Variants in PCDHA1 observed in about 807,000 individuals in gnomAD.
PCDHA1 encodes protocadherin alpha-1.
A neutral mutation model predicts 61.3 loss-of-function variants in PCDHA1; 42 were observed. The ratio of observed to expected loss-of-function variants is 0.69; its 90% CI spans 0.54 to 0.89. The LOEUF (loss-of-function observed/expected upper bound fraction) is 0.89, where lower values mean the gene tolerates loss of function less well. Among genes scored for constraint, PCDHA1 ranks in the 40% least tolerant of loss-of-function variants. The probability of loss-of-function intolerance (pLI) is 0.00; values close to 1 mark genes in which losing one functional copy is unlikely to be tolerated. For missense variants in PCDHA1, 1,256 were observed against 1,235.3 expected, an observed-to-expected ratio of 1.02 and a Z score of -0.25; for synonymous variants, 610 against 553.8, an observed-to-expected ratio of 1.10 and a Z score of -1.43.
chr5:140,883,835 T>C (rs782244088), intron 1 of PCDHA1: 10 of 1,612,448 alleles, frequency 6.2e-6, no homozygotes, highest in East Asian at 4.5e-5. Flanking sequence ...GCTGCAGCCG[T>C]TGGACCACGA....
chr5:140,880,090 G>A (rs977793027), intron 1 of PCDHA1, among the ~76,000 whole-genome samples: 3 of 152,136 alleles, frequency 2.0e-5, no homozygotes, highest in Admixed American at 2.0e-4. Context: ...ATTATAGTAG[G>A]CTTAAAATCA....
chr5:140,797,311 G>A (rs1554120396), intron 1 of PCDHA1: 5 of 1,614,198 alleles, frequency 3.1e-6, no homozygotes, highest in Non-Finnish European at 4.2e-6. Context: ...TCCAGACTCC[G>A]CAGAAGAGAA....
At chr5:140,802,467 G>T in intron 1 of PCDHA1, 1 of 1,614,224 alleles carries the variant, frequency 6.2e-7, no homozygotes, top group Non-Finnish European at 8.5e-7. Flanking sequence ...CTATGAGCTG[G>T]TGGTGACTGC....
Position 140,877,064 on chromosome 5 carries a change from T to C in PCDHA1, c.2394+88380T>C, listed in dbSNP as rs2056824961. On this transcript the variant is annotated intron_variant, in intron 1 of 3. Coordinates refer to ENST00000504120, the MANE Select transcript of PCDHA1 (RefSeq NM_018900.4). ...CTAGACCACGAGGAGCTGGAGCTGC[T>C]GCAGTTCCAGGTGAGCGCGCGCGAC... is the stretch of plus-strand genomic sequence containing the variant. The C allele has an allele frequency of 6.2e-7, 1 of 1,612,896 alleles. No homozygotes were observed. Among genetic ancestry groups the C allele is most frequent in the Non-Finnish European group, 8.5e-7 (1 of 1,179,856 alleles).
At chr5:140,967,942 A>G in intron 1 of PCDHA1, 1 of 1,614,226 alleles carries the variant, frequency 6.2e-7, no homozygotes, top group Non-Finnish European at 8.5e-7. Context: ...TCAATGACCA[A>G]GACTCAGGCC....
intron 1 of PCDHA1, chr5:140,859,465 T>A: frequency 4.7e-6 from 1 of 214,084 alleles, no homozygotes; most frequent in Non-Finnish European, 9.1e-6. Flanking sequence ...AAAACTACAC[T>A]ATCAATTGTG....
chr5:140,928,807 C>G (rs782261335), intron 1 of PCDHA1: 1 of 1,614,094 alleles, frequency 6.2e-7, no homozygotes, highest in Admixed American at 1.7e-5. Context: ...GGTAGTGGTT[C>G]GGGACCATGG....
At chr5:140,991,754 G>A (rs1554252407) in intron 3 of PCDHA1, among the ~76,000 whole-genome samples, 2 of 152,034 alleles carry the variant, frequency 1.3e-5, no homozygotes, top group African/African-American at 4.8e-5. Context: ...TTTCTATCAT[G>A]CTCTTCAAAA....
intron 1 of PCDHA1, chr5:140,835,452 C>T (rs2150236054): frequency 6.2e-7 from 1 of 1,613,908 alleles, no homozygotes; most frequent in East Asian, 2.2e-5. Flanking sequence ...TTCCCTGTCT[C>T]TCCCTATTCC....
At chr5:140,977,732 G>A (rs538865467) in intron 1 of PCDHA1, among the ~76,000 whole-genome samples, 2 of 152,048 alleles carry the variant, frequency 1.3e-5, no homozygotes, top group African/African-American at 2.4e-5. Flanking sequence ...TTCTCTCCTG[G>A]GTGTTATGAA....
At chr5:140,978,800 TATC>T (rs1193658453) in intron 1 of PCDHA1, 146 bp from the exon 2 acceptor site, 56 of 1,480,550 alleles carry the variant, frequency 3.8e-5, no homozygotes, top group Admixed American at 1.1e-4. Context: ...TATATGTAGA[TATC>T]ATCATAGAGT....
chr5:140,809,311 C>T, intron 1 of PCDHA1: 1 of 1,614,122 alleles, frequency 6.2e-7, no homozygotes, highest in Non-Finnish European at 8.5e-7. Context: ...GCGCGGTGTC[C>T]AGCCTTTTGG....
chr5:140,884,053 C>G (rs782043806), intron 1 of PCDHA1: 1 of 1,613,496 alleles, frequency 6.2e-7, no homozygotes, highest in Admixed American at 1.7e-5. Context: ...CGAAGGTGCG[C>G]GCGGTGGACG....
intron 1 of PCDHA1, chr5:140,866,360 T>C (rs2049301570): frequency 6.6e-6 from 1 of 152,128 alleles, no homozygotes; most frequent in South Asian, 2.1e-4. Context: ...GTTTACAATA[T>C]TGCATACTTC....
At chr5:140,969,459 G>A (rs1554231863) in intron 1 of PCDHA1, 1 of 1,503,404 alleles carries the variant, frequency 6.7e-7, no homozygotes, top group Non-Finnish European at 8.9e-7. Flanking sequence ...AGTATATATA[G>A]TATCCACAAT....
At chr5:140,884,373 T>C (rs1554181483) in intron 1 of PCDHA1, 2 of 1,613,958 alleles carry the variant, frequency 1.2e-6, no homozygotes, top group South Asian at 2.2e-5. Context: ...TACTTGATCA[T>C]TGCCATCTGC....
intron 3 of PCDHA1, among the ~76,000 whole-genome samples, chr5:140,990,557 A>G (rs782726055): frequency 2.0e-5 from 3 of 152,166 alleles, no homozygotes; most frequent in Non-Finnish European, 4.4e-5. Flanking sequence ...TTACCCAAGA[A>G]CACACACCTG....
chr5:140,897,701 C>T (rs1161358145), intron 1 of PCDHA1, among the ~76,000 whole-genome samples: 58 of 152,238 alleles, frequency 3.8e-4, no homozygotes, highest in Non-Finnish European at 7.4e-4. Flanking sequence ...TGGGCATATA[C>T]CCAGTAATGG....
At chr5:140,960,067 A>T (rs1423900287) in intron 1 of PCDHA1, among the ~76,000 whole-genome samples, 1 of 152,228 alleles carries the variant, frequency 6.6e-6, no homozygotes, top group East Asian at 1.9e-4. Context: ...AGAAGATTCA[A>T]TTGAAGTTTC....
Sources: allele counts gnomAD v4.1 joint callset (sites outside exome capture counted in the v4.1 genomes callset), GRCh38; gene constraint gnomAD v4.1.1; transcripts MANE v1.5; gene names NCBI Gene and HGNC (gene_info 2026-07-23, HGNC 2026-07-21).